Variants in SF3A3 observed in about 807,000 individuals in gnomAD.
SF3A3 encodes the protein splicing factor 3a subunit 3.
In SF3A3, 9 loss-of-function variants were observed where a neutral mutation model predicts 85.8. The observed-to-expected ratio is 0.10, with a 90% CI of 0.06 to 0.18. SF3A3 has a LOEUF of 0.18. SF3A3 is among the 10% of genes least tolerant of loss of function. SF3A3 has a pLI of 1.00. For synonymous variants in SF3A3, 195 were observed against 204.4 expected (o/e 0.95, Z 0.39); for missense variants, 306 against 593.3 (o/e 0.52, Z 5.03).
chr1:37,959,005 C>T (rs755006199), intron 16 of SF3A3, among the ~76,000 whole-genome samples: 4 of 152,010 alleles, frequency 2.6e-5, no homozygotes, highest in African/African-American at 4.8e-5. Context: ...TACAGAGTCT[C>T]GGCATTTTAG....
Position 37,980,639 on chromosome 1 carries a change from T to G in SF3A3, c.637A>C (p.Ile213Leu). Residue 213 changes from isoleucine to leucine, a missense_variant, in exon 8 of 17, where the codon ATT becomes CTT. By Grantham distance (5) the Ile-to-Leu change is conservative. Coordinates refer to ENST00000373019, the MANE Select transcript of SF3A3 (RefSeq NM_006802.4). The stretch of plus-strand genomic sequence containing the variant: ...CATTTCTTCTCAAACTCAGCCTGAA[T>G]CTTCCCAAAAAGTTCATTCTGATCT... ...LQDQNELFGK[I>L]QAEFEKKWEN... The G allele has an allele frequency of 6.2e-7, 1 of 1,614,104 alleles. No homozygotes were observed. Among genetic ancestry groups the G allele is most frequent in the East Asian group, 2.2e-5 (1 of 44,880 alleles).
At chr1:37,985,027 C>T (rs1646446515) in intron 4 of SF3A3, among the ~76,000 whole-genome samples, 1 of 152,154 alleles carries the variant, frequency 6.6e-6, no homozygotes, top group African/African-American at 2.4e-5. Context: ...AGGCTGGTCT[C>T]AAACTCCTAA....
chr1:37,974,154 A>T (rs888407468), intron 12 of SF3A3, among the ~76,000 whole-genome samples: 11 of 152,202 alleles, frequency 7.2e-5, no homozygotes, highest in African/African-American at 2.2e-4. Context: ...CGGGTGCAGC[A>T]CACCAACATG....
chr1:37,969,642 T>C lies in SF3A3; in HGVS notation c.1099A>G (p.Ser367Gly). ...TCGTTCTCTTCATCTTCACTCTCAC[T>C]CTCACTGATCTGCTCTTCTTCCTCT... is the stretch of plus-strand genomic sequence containing the variant. ...EEEEEEQISE[S>G]ESEDEENEII... The change falls in exon 13 of 17, where the codon AGT becomes GGT. Residue 367 changes from serine to glycine, a missense_variant. This residue lies in a region of SF3A3 where 136 missense variants were observed against 296.6 expected (regional missense o/e 0.46). Coordinates refer to ENST00000373019, the MANE Select transcript of SF3A3 (RefSeq NM_006802.4). 6.2e-7 allele frequency: 1 copy of C among 1,614,004 alleles called. No individual in the cohort carries two copies.
chr1:37,976,176 A>C (rs1258270884), intron 12 of SF3A3, among the ~76,000 whole-genome samples: 1 of 151,256 alleles, frequency 6.6e-6, no homozygotes, highest in Non-Finnish European at 1.5e-5. Context: ...AAAAAACTGT[A>C]CACAGCAGAC....
intron 15 of SF3A3, among the ~76,000 whole-genome samples, chr1:37,965,480 G>A (rs1173231174): frequency 6.6e-6 from 1 of 152,070 alleles, no homozygotes; most frequent in African/African-American, 2.4e-5. Flanking sequence ...TTGCATGTTG[G>A]GCGGGGATCA....
chr1:37,978,922 A>G, intron 10 of SF3A3, 66 bp downstream of exon 10: 2 of 1,552,696 alleles, frequency 1.3e-6, no homozygotes, highest in Non-Finnish European at 8.9e-7. Context: ...ATGGAATCAG[A>G]GCTACTTAGA....
chr1:37,981,445 A>G (rs1270658263), intron 7 of SF3A3, among the ~76,000 whole-genome samples: 2 of 152,208 alleles, frequency 1.3e-5, no homozygotes, highest in Non-Finnish European at 2.9e-5. Context: ...TTAAACTCCA[A>G]AAACACAGAA....
At chr1:37,980,759 A>T (rs1408978694) in intron 7 of SF3A3, 35 bp from the exon 8 acceptor site, 4 of 1,555,694 alleles carry the variant, frequency 2.6e-6, no homozygotes, top group Non-Finnish European at 3.5e-6. Context: ...CAAAGCAAAA[A>T]GGGTTTCTAT....
intron 6 of SF3A3, 64 bp from the exon 7 acceptor site, chr1:37,981,875 A>G (rs1433807493): frequency 1.1e-6 from 1 of 896,250 alleles, no homozygotes; most frequent in African/African-American, 1.7e-5. Context: ...AAGTTACAAT[A>G]TAATCTCCAA....
intron 12 of SF3A3, 106 bp from the exon 13 acceptor site, chr1:37,969,841 A>G (rs1265738343): frequency 1.2e-5 from 15 of 1,241,854 alleles, no homozygotes; most frequent in Non-Finnish European, 1.7e-5. Flanking sequence ...TCCAAGGATA[A>G]GGTTCTTTCT....
At chr1:37,966,272 T>C (rs1230292600) in intron 15 of SF3A3, among the ~76,000 whole-genome samples, 3 of 151,880 alleles carry the variant, frequency 2.0e-5, no homozygotes, top group Non-Finnish European at 4.4e-5. Flanking sequence ...AAGGCTGCCA[T>C]GAAAATGTTA....
At chr1:37,968,329 A>C (rs61363969) in intron 14 of SF3A3, among the ~76,000 whole-genome samples, 195 bp from the exon 15 acceptor site, 1 of 152,190 alleles carries the variant, frequency 6.6e-6, no homozygotes. Context: ...GCAGCACTGC[A>C]TTGTTTGCCT....
At chr1:37,979,127 G>C in intron 9 of SF3A3, 72 bp from the exon 10 acceptor site, 1 of 1,253,882 alleles carries the variant, frequency 8.0e-7, no homozygotes, top group East Asian at 2.3e-5. Flanking sequence ...CAGGCCAGAG[G>C]GTGGGTGTTC....
At chr1:37,962,077 T>G (rs1646263965) in intron 15 of SF3A3, among the ~76,000 whole-genome samples, 1 of 128,170 alleles carries the variant, frequency 7.8e-6, no homozygotes, top group Admixed American at 8.7e-5. Context: ...AGAGCGAAAC[T>G]CCGTCTCAAA....
At chr1:37,981,405 C>A (rs1045921921) in intron 7 of SF3A3, among the ~76,000 whole-genome samples, 1 of 152,206 alleles carries the variant, frequency 6.6e-6, no homozygotes, top group Non-Finnish European at 1.5e-5. Context: ...ACTTCAGTCA[C>A]TATCTGAGAA....
At chr1:37,968,223 T>C (rs1163684432) in intron 14 of SF3A3, 89 bp from the exon 15 acceptor site, 2 of 796,876 alleles carry the variant, frequency 2.5e-6, no homozygotes, top group African/African-American at 1.7e-5. Context: ...AATCCTAACA[T>C]GGCCCTTTGC....
Position 37,989,994 on chromosome 1 carries a change from G to A in SF3A3, c.-29C>T. ...CCCTTAGTCGCGGCTTCTCAATTCA[G>A]ACCACCAACACGGCCGGAAGCAACT... is the stretch of plus-strand genomic sequence containing the variant. On this transcript the variant is annotated 5_prime_UTR_variant, in exon 1 of 17. Coordinates refer to ENST00000373019, the MANE Select transcript of SF3A3 (RefSeq NM_006802.4). 6.5e-7 allele frequency: 1 copy of A among 1,548,980 alleles called. No individual in the cohort carries two copies.
intron 6 of SF3A3, 114 bp downstream of exon 6, chr1:37,984,055 G>A: frequency 1.9e-6 from 1 of 536,050 alleles, no homozygotes; most frequent in East Asian, 3.0e-5. Context: ...ATTTACATAA[G>A]AGTTTTAAAA....
Sources: gnomAD v4.1 joint callset for allele counts (sites outside exome capture counted in the v4.1 genomes callset) on GRCh38, gnomAD v4.1.1 for gene constraint, gnomAD v4.1.1 regional missense constraint, MANE v1.5 for transcripts, NCBI Gene and HGNC (gene_info 2026-07-23, HGNC 2026-07-21) for gene names.